Variants in TIAM1 observed in about 807,000 individuals in gnomAD.
The protein encoded by TIAM1 is TIAM Rac1 associated GEF 1.
Under a neutral mutation model 163.5 loss-of-function variants are expected in TIAM1, and 65 were observed. The ratio of observed to expected loss-of-function variants is 0.40; its 90% CI spans 0.33 to 0.49. TIAM1 has a LOEUF of 0.49. Ranked by LOEUF, TIAM1 falls within the 20% of genes least tolerant of loss-of-function variation. The pLI is 0.77. For synonymous variants in TIAM1, 833 were observed against 810.1 expected (o/e 1.03, Z -0.48); for missense variants, 1,789 against 2,044.7 (o/e 0.87, Z 2.41).
intron 1 of TIAM1, among the ~76,000 whole-genome samples, chr21:31,475,778 C>T (rs760449954): frequency 2.6e-5 from 4 of 152,204 alleles, no homozygotes; most frequent in Non-Finnish European, 5.9e-5. Context: ...GAGAAAACAG[C>T]GAAACGATCT....
chr21:31,504,586 GCTC>G (rs143542290), intron 1 of TIAM1, among the ~76,000 whole-genome samples: 21,465 of 152,104 alleles, frequency 0.14, 2,004 homozygotes, highest in Non-Finnish European at 0.2. Flanking sequence ...AGCTGGTAAA[GCTC>G]CTACTTCCCA....
At chr21:31,451,911 A>T (rs1157325403) in intron 2 of TIAM1, among the ~76,000 whole-genome samples, 1 of 152,176 alleles carries the variant, frequency 6.6e-6, no homozygotes, top group Non-Finnish European at 1.5e-5. Flanking sequence ...AAAGAAAAAG[A>T]AGGGTCAGTG....
intron 20 of TIAM1, among the ~76,000 whole-genome samples, chr21:31,143,452 T>TATATA (rs1555863324): frequency 1.9e-4 from 28 of 149,306 alleles, no homozygotes; most frequent in African/African-American, 6.4e-4. Flanking sequence ...TATATAATTT[T>TATATA]TATATATATA....
intron 20 of TIAM1, among the ~76,000 whole-genome samples, chr21:31,143,265 C>T (rs912689097): frequency 6.6e-6 from 1 of 152,066 alleles, no homozygotes; most frequent in South Asian, 2.1e-4. Context: ...ATGACTTTCC[C>T]CCATTGGAAA....
intron 15 of TIAM1, among the ~76,000 whole-genome samples, chr21:31,169,884 TA>T (rs560829517): frequency 0.01 from 1,548 of 152,212 alleles, 14 homozygotes; most frequent in Middle Eastern, 0.014. Context: ...TTTCTGTTAA[TA>T]ATCATCTTAA....
chr21:31,471,361 G>C (rs2045735081), intron 1 of TIAM1, among the ~76,000 whole-genome samples: 1 of 152,194 alleles, frequency 6.6e-6, no homozygotes, highest in Admixed American at 6.5e-5. Flanking sequence ...CGATCATTCA[G>C]AATGAACCTC....
chr21:31,402,457 T>C (rs1233788264), intron 2 of TIAM1, among the ~76,000 whole-genome samples: 1 of 152,108 alleles, frequency 6.6e-6, no homozygotes, highest in African/African-American at 2.4e-5. Context: ...CTCTGAGAGA[T>C]GCAGGACCAA....
At chr21:31,493,623 C>T (rs1010996936) in intron 1 of TIAM1, among the ~76,000 whole-genome samples, 3 of 152,290 alleles carry the variant, frequency 2.0e-5, no homozygotes, top group Admixed American at 2.0e-4. Context: ...GATGGCAAGA[C>T]CTGCAGGACC....
intron 2 of TIAM1, among the ~76,000 whole-genome samples, chr21:31,313,813 G>A (rs199756084): frequency 6.7e-6 from 1 of 150,152 alleles, no homozygotes; most frequent in Admixed American, 6.7e-5. Context: ...CTGACCTCAA[G>A]TAATCTGTCC....
intron 2 of TIAM1, among the ~76,000 whole-genome samples, chr21:31,443,726 T>C (rs1467783335): frequency 6.6e-6 from 1 of 152,224 alleles, no homozygotes; most frequent in African/African-American, 2.4e-5. Flanking sequence ...TGATGTTTAT[T>C]AGAGGCAAAA....
intron 4 of TIAM1, among the ~76,000 whole-genome samples, chr21:31,264,468 T>C (rs2072649130): frequency 6.6e-6 from 1 of 152,210 alleles, no homozygotes; most frequent in South Asian, 2.1e-4. Context: ...TCACATATTA[T>C]TTCATTCTAC....
chr21:31,185,227 G>A (rs2085223033), intron 14 of TIAM1, among the ~76,000 whole-genome samples: 2 of 151,750 alleles, frequency 1.3e-5, no homozygotes, highest in Admixed American at 1.3e-4. Context: ...CTACCTACCT[G>A]TCCCATTTAT....
intron 3 of TIAM1, among the ~76,000 whole-genome samples, chr21:31,270,466 T>C (rs2073006464): frequency 6.6e-6 from 1 of 152,196 alleles, no homozygotes; most frequent in South Asian, 2.1e-4. Context: ...GACTATGATT[T>C]ACTTATATAG....
chr21:31,200,521 T>G (rs2086143097), intron 12 of TIAM1, among the ~76,000 whole-genome samples: 1 of 152,210 alleles, frequency 6.6e-6, no homozygotes, highest in South Asian at 2.1e-4. Context: ...TCTCAAAATA[T>G]TATTTATGCT....
chr21:31,301,576 A>G lies in TIAM1; in HGVS notation c.-188-24668T>C, dbSNP rs546262669. Among the ~76,000 whole-genome samples the G allele has an allele frequency of 1.1e-3, 168 of 152,348 alleles. 2 individuals are homozygous for G. The highest frequency in any genetic ancestry group is 1.5e-3 in the Non-Finnish European group (101 of 68,026). ...GAATGGAAGCCAGGCACAGTGGCTCACGCCTGTAATCCCAACACTTTGGGA... is the reference window on the plus strand; with the variant it reads ...GAATGGAAGCCAGGCACAGTGGCTCGCGCCTGTAATCCCAACACTTTGGGA... On this transcript the variant is annotated intron_variant, in intron 2 of 27. Transcript: ENST00000541036.
chr21:31,434,768 C>T (rs1191529043), intron 2 of TIAM1, among the ~76,000 whole-genome samples: 1 of 152,136 alleles, frequency 6.6e-6, no homozygotes, highest in Non-Finnish European at 1.5e-5. Context: ...ACACAGTGAC[C>T]CTCCAGAGTG....
intron 2 of TIAM1, among the ~76,000 whole-genome samples, chr21:31,392,322 G>A (rs1006598806): frequency 6.6e-6 from 1 of 152,124 alleles, no homozygotes; most frequent in Non-Finnish European, 1.5e-5. Flanking sequence ...TGTAATCCCA[G>A]CACTTTGGGA....
At chr21:31,277,776 C>T (rs1050012677) in intron 2 of TIAM1, among the ~76,000 whole-genome samples, 2 of 152,098 alleles carry the variant, frequency 1.3e-5, no homozygotes, top group Admixed American at 6.6e-5. Context: ...TAGACTCTCC[C>T]TGAATTCTTT....
intron 2 of TIAM1, among the ~76,000 whole-genome samples, chr21:31,440,524 T>C (rs2044380037): frequency 6.6e-6 from 1 of 152,220 alleles, no homozygotes; most frequent in Non-Finnish European, 1.5e-5. Flanking sequence ...ATCAGGGTTG[T>C]CCTGGTCCCA....
Sources: allele counts gnomAD v4.1 joint callset (sites outside exome capture counted in the v4.1 genomes callset), GRCh38; gene constraint gnomAD v4.1.1; transcripts MANE v1.5; gene names NCBI Gene and HGNC (gene_info 2026-07-23, HGNC 2026-07-21).